SAXO1: variants seen among roughly 807,000 people sequenced by gnomAD.
SAXO1 encodes stabilizer of axonemal microtubules 1.
A neutral mutation model predicts 17.5 loss-of-function variants in SAXO1; 21 were observed. The ratio of observed to expected loss-of-function variants is 1.20; its 90% confidence interval spans 0.85 to 1.72. The LOEUF is 1.72. Among genes scored for constraint, SAXO1 ranks in the 40% most tolerant of loss-of-function variants. SAXO1 has a pLI of 0.00. For missense variants in SAXO1, 843 were observed against 596.0 expected, an observed-to-expected ratio of 1.41 and a Z score of -4.32; for synonymous variants, 274 against 216.5, an observed-to-expected ratio of 1.27 and a Z score of -2.33.
chr9:18,936,434 G>A (rs955634564), intron 3 of SAXO1, among the ~76,000 whole-genome samples: 1 of 152,052 alleles, frequency 6.6e-6, no homozygotes, highest in African/African-American at 2.4e-5. Context: ...CTCCCTCAAG[G>A]TACTTGGGGG....
chr9:18,982,823 C>T (rs1360101356), intron 1 of SAXO1, among the ~76,000 whole-genome samples: 1 of 152,150 alleles, frequency 6.6e-6, no homozygotes, highest in African/African-American at 2.4e-5. Flanking sequence ...ATATACCAAG[C>T]CTGTGATCAT....
intron 3 of SAXO1, among the ~76,000 whole-genome samples, chr9:18,936,540 T>C (rs921679531): frequency 5.3e-5 from 8 of 152,166 alleles, no homozygotes; most frequent in African/African-American, 1.9e-4. Context: ...TGATTTCTGA[T>C]ACCCAACAAT....
At chr9:18,951,082 C>T in intron 1 of SAXO1, 145 bp from the exon 2 acceptor site, 2 of 811,160 alleles carry the variant, frequency 2.5e-6, no homozygotes, top group East Asian at 2.6e-5. Flanking sequence ...TTACTTTTTT[C>T]CACTAAACTA....
chr9:19,031,970 C>A (rs896589131), intron 1 of SAXO1, among the ~76,000 whole-genome samples: 1 of 152,188 alleles, frequency 6.6e-6, no homozygotes, highest in Non-Finnish European at 1.5e-5. Flanking sequence ...AGGACACTAA[C>A]ATATTAAGCA....
intron 2 of SAXO1, among the ~76,000 whole-genome samples, chr9:18,945,475 T>A (rs1371163391): frequency 6.6e-6 from 1 of 152,234 alleles, no homozygotes; most frequent in Non-Finnish European, 1.5e-5. Flanking sequence ...AACTTCCCAA[T>A]GTCAAAAGGC....
intron 1 of SAXO1, among the ~76,000 whole-genome samples, chr9:18,977,275 TA>T (rs1434286115): frequency 3.3e-5 from 5 of 152,232 alleles, no homozygotes; most frequent in Non-Finnish European, 5.9e-5. Flanking sequence ...CAATAGGAAT[TA>T]ATCTGCCATA....
intron 1 of SAXO1, among the ~76,000 whole-genome samples, chr9:19,024,636 A>C (rs927363731): frequency 3.9e-5 from 6 of 152,110 alleles, no homozygotes; most frequent in Admixed American, 3.3e-4. Flanking sequence ...AGCATTTGAA[A>C]CCAGGCAGTC....
intron 1 of SAXO1, among the ~76,000 whole-genome samples, chr9:19,012,150 G>C (rs536497291): frequency 4.6e-5 from 7 of 152,184 alleles, no homozygotes; most frequent in Non-Finnish European, 1.0e-4. Flanking sequence ...GGCAAGGATA[G>C]ATTTTTTTTA....
At chr9:18,953,837 G>A (rs780334114) in intron 1 of SAXO1, among the ~76,000 whole-genome samples, 3 of 152,194 alleles carry the variant, frequency 2.0e-5, no homozygotes, top group Non-Finnish European at 4.4e-5. Flanking sequence ...ATATCTAGAA[G>A]TTATCAAGGA....
chr9:19,027,221 C>T lies in SAXO1; in HGVS notation c.38+5650G>A, dbSNP rs375348719. The T allele has an allele frequency of 2.5e-6, 3 of 1,183,478 alleles. No individual in the cohort carries two copies. The South Asian group carries it at 3.6e-5, about 14-fold the overall frequency. The allele number at this position is 1,183,478 out of a possible 1,614,324, so 73.3% of individuals were successfully genotyped here. On this transcript the variant is annotated intron_variant, in intron 1 of 3. Coordinates refer to ENST00000380534, the MANE Select transcript of SAXO1 (RefSeq NM_153707.4). Reference sequence around the variant, plus strand: ...AGGACAAGTGTGCTGTGATCAAAACCTCTACACGACAGACATACTTCCTAC... The same window carrying T: ...AGGACAAGTGTGCTGTGATCAAAACTTCTACACGACAGACATACTTCCTAC...
At chr9:18,961,246 G>GT (rs1832470308) in intron 1 of SAXO1, among the ~76,000 whole-genome samples, 1 of 151,856 alleles carries the variant, frequency 6.6e-6, no homozygotes, top group East Asian at 1.9e-4. Flanking sequence ...GGCCAGCTAA[G>GT]TACAGCCTCA....
At chr9:18,951,939 A>C (rs1474821776) in intron 1 of SAXO1, among the ~76,000 whole-genome samples, 1 of 152,244 alleles carries the variant, frequency 6.6e-6, no homozygotes, top group Non-Finnish European at 1.5e-5. Flanking sequence ...GACTGAGTGT[A>C]TACGTGAATA....
chr9:18,945,527 G>T (rs763777267), intron 2 of SAXO1, among the ~76,000 whole-genome samples: 1 of 152,152 alleles, frequency 6.6e-6, no homozygotes, highest in Non-Finnish European at 1.5e-5. Context: ...GGCAGCTTGG[G>T]GAGTCCATCC....
At chr9:19,017,205 T>G (rs565589652) in intron 1 of SAXO1, among the ~76,000 whole-genome samples, 1 of 151,932 alleles carries the variant, frequency 6.6e-6, no homozygotes, top group African/African-American at 2.4e-5. Context: ...AAAAGATCAA[T>G]TGATGCCAAA....
At chr9:18,947,283 T>G (rs1488463740) in intron 2 of SAXO1, among the ~76,000 whole-genome samples, 2 of 152,162 alleles carry the variant, frequency 1.3e-5, no homozygotes, top group Non-Finnish European at 2.9e-5. Context: ...TGCTACTAAC[T>G]CTCTTGTTTC....
chr9:18,932,326 A>G (rs1429939572), intron 3 of SAXO1, among the ~76,000 whole-genome samples: 3 of 152,238 alleles, frequency 2.0e-5, no homozygotes, highest in Admixed American at 6.5e-5. Context: ...CTTTGTGAGA[A>G]GTTAACGACA....
At chr9:19,020,154 A>T (rs1479904789) in intron 1 of SAXO1, among the ~76,000 whole-genome samples, 4 of 152,174 alleles carry the variant, frequency 2.6e-5, no homozygotes, top group African/African-American at 7.2e-5. Flanking sequence ...CAGCCACATC[A>T]TACCCTCAGA....
intron 1 of SAXO1, among the ~76,000 whole-genome samples, chr9:18,970,799 T>A (rs895695703): frequency 4.6e-5 from 7 of 152,354 alleles, no homozygotes; most frequent in African/African-American, 1.7e-4. Flanking sequence ...TTGGAAGTCC[T>A]GGAGTCCTCA....
Position 18,994,345 on chromosome 9 carries a change from T to G in SAXO1, c.38+38526A>C, listed in dbSNP as rs561033853. 2.0e-5 allele frequency among the ~76,000 whole-genome samples: 3 copies of G among 152,358 alleles called. No homozygotes were observed. The South Asian group carries it at 6.2e-4, about 32-fold the overall frequency. The stretch of plus-strand genomic sequence containing the variant: ...TAAAAGATGGATGGGTTAAAGTTAC[T>G]GTTTTCTTAGGATCTGTCCGGCATT... On this transcript the variant is annotated intron_variant, in intron 1 of 3. Coordinates refer to ENST00000380534, the MANE Select transcript of SAXO1 (RefSeq NM_153707.4).
Sources: allele counts gnomAD v4.1 joint callset (sites outside exome capture counted in the v4.1 genomes callset), GRCh38; gene constraint gnomAD v4.1.1; transcripts MANE v1.5; gene names NCBI Gene and HGNC (gene_info 2026-07-23, HGNC 2026-07-21).